The following UGT1A8 variants were observed in gnomAD, a reference collection of about 807,000 sequenced individuals.
UGT1A8 encodes the protein UDP glucuronosyltransferase family 1 member A8, also known as UDP-glucuronosyltransferase 1A8.
A neutral mutation model predicts 45.3 loss-of-function variants in UGT1A8; 39 were observed. The ratio of observed to expected loss-of-function variants is 0.86; its 90% CI spans 0.67 to 1.12. UGT1A8 has a LOEUF of 1.12. UGT1A8 is among the 50% of genes most tolerant of loss of function. The pLI is 0.00. For missense variants in UGT1A8, 719 were observed against 664.9 expected (o/e 1.08, Z -0.90); for synonymous variants, 275 against 249.2 (o/e 1.10, Z -0.97).
At chr2:233,627,528 T>C (rs1178080299) in intron 1 of UGT1A8, among the ~76,000 whole-genome samples, 1 of 152,002 alleles carries the variant, frequency 6.6e-6, no homozygotes, top group African/African-American at 2.4e-5. Flanking sequence ...ATTTTCAATA[T>C]GAGACAAAAA....
In UGT1A8 at chr2:233,769,978, G is replaced by A. The variant is rs35883224; in HGVS notation, c.1295+1539G>A. The stretch of plus-strand genomic sequence containing the variant: ...CTTCTGGCCACCTCAATGTCAGGAT[G>A]TCCTGCTCACATATCAATACCATTA... On this transcript the variant is annotated intron_variant, in intron 4 of 4. Transcript: ENST00000373450. The surrounding 1 kb of genome is among the most constrained non-coding windows in gnomAD (Gnocchi z 4.4). 117 of 202,284 alleles carry A rather than the reference G, an allele frequency of 5.8e-4. 1 individual carries two copies. Among genetic ancestry groups the A allele is most frequent in the African/African-American group, 2.5e-3 (109 of 43,540 alleles). The allele number at this position is 202,284 out of a possible 1,614,324, so 12.5% of individuals were successfully genotyped here.
At chr2:233,704,862 G>T (rs991681240) in intron 1 of UGT1A8, among the ~76,000 whole-genome samples, 2 of 152,056 alleles carry the variant, frequency 1.3e-5, no homozygotes, top group African/African-American at 4.8e-5. Context: ...GGCCGGGCAC[G>T]GTGGCTCACT....
intron 1 of UGT1A8, among the ~76,000 whole-genome samples, chr2:233,705,949 T>A (rs1472932510): frequency 6.6e-6 from 1 of 151,962 alleles, no homozygotes; most frequent in Non-Finnish European, 1.5e-5. Context: ...ATTAGCTGGG[T>A]GTGGAGGTGC....
At chr2:233,720,792 A>C (rs1575534792) in intron 1 of UGT1A8, among the ~76,000 whole-genome samples, 4 of 135,258 alleles carry the variant, frequency 3.0e-5, no homozygotes, top group Non-Finnish European at 4.7e-5. Flanking sequence ...TGCAACCTTC[A>C]CCTCCCGGGT....
At chr2:233,619,957 A>G (rs2072970639) in intron 1 of UGT1A8, among the ~76,000 whole-genome samples, 1 of 152,184 alleles carries the variant, frequency 6.6e-6, no homozygotes, top group African/African-American at 2.4e-5. Flanking sequence ...AAATCCTTGA[A>G]AAATACCAGA....
At chr2:233,650,782 A>T (rs1011003672) in intron 1 of UGT1A8, among the ~76,000 whole-genome samples, 1 of 152,196 alleles carries the variant, frequency 6.6e-6, no homozygotes, top group East Asian at 1.9e-4. Context: ...GATCCTATTC[A>T]GACATGTTTT....
chr2:233,659,049 A>C (rs1443846654), intron 1 of UGT1A8, among the ~76,000 whole-genome samples: 1 of 152,228 alleles, frequency 6.6e-6, no homozygotes, highest in Admixed American at 6.5e-5. Context: ...CAGCATCCTA[A>C]CAATTTTGAG....
At chr2:233,763,131 T>C (rs1039292285) in intron 1 of UGT1A8, among the ~76,000 whole-genome samples, 1 of 152,268 alleles carries the variant, frequency 6.6e-6, no homozygotes, top group African/African-American at 2.4e-5. Flanking sequence ...CTGGCATTTA[T>C]TGATATAACC....
intron 1 of UGT1A8, chr2:233,647,912 A>G: frequency 1.9e-6 from 3 of 1,587,596 alleles, no homozygotes; most frequent in Non-Finnish European, 2.6e-6. Flanking sequence ...CCTCCAGGGA[A>G]GGTAGATCAC....
chr2:233,760,659 G>T (rs757137518), intron 1 of UGT1A8: 3 of 1,614,230 alleles, frequency 1.9e-6, no homozygotes, highest in Non-Finnish European at 1.7e-6. Context: ...CTATGCTTTT[G>T]TCTGGCTGTT....
chr2:233,741,051 T>G (rs1437462730), intron 1 of UGT1A8, among the ~76,000 whole-genome samples: 1 of 151,772 alleles, frequency 6.6e-6, no homozygotes, highest in Non-Finnish European at 1.5e-5. Context: ...CTTGCCTAGG[T>G]AACAGCTACA....
chr2:233,705,692 A>G (rs2075866354), intron 1 of UGT1A8, among the ~76,000 whole-genome samples: 1 of 152,226 alleles, frequency 6.6e-6, no homozygotes, highest in African/African-American at 2.4e-5. Flanking sequence ...AACGACTGGT[A>G]TAAAAATTCA....
intron 1 of UGT1A8, among the ~76,000 whole-genome samples, chr2:233,763,945 G>A (rs1405755046): frequency 6.6e-6 from 1 of 152,190 alleles, no homozygotes; most frequent in Non-Finnish European, 1.5e-5. Context: ...GGAAAGCTTG[G>A]GAGCAGGGAA....
At position 233,769,509 on chromosome 2, in the gene UGT1A8, C is replaced by T; in HGVS notation, c.1295+1070C>T. 2 of 1,612,822 alleles carry T rather than the reference C, an allele frequency of 1.2e-6. No homozygotes were observed. Among genetic ancestry groups the T allele is most frequent in the Non-Finnish European group, 1.7e-6 (2 of 1,179,850 alleles). On this transcript the variant is annotated intron_variant, in intron 4 of 4. Coordinates refer to ENST00000373450, the MANE Select transcript of UGT1A8 (RefSeq NM_019076.5). This position sits in a 1 kb window ranked among gnomAD's most constrained non-coding sequence, Gnocchi z 4.4. Reference sequence around the variant, plus strand: ...TGTTTATGAGAGTGTCCATTGCTTTCTCCCATGGTTACCTCCTTTAGAAAG... The same window carrying T: ...TGTTTATGAGAGTGTCCATTGCTTTTTCCCATGGTTACCTCCTTTAGAAAG...
At chr2:233,680,093 CAA>C (rs1462365086) in intron 1 of UGT1A8, among the ~76,000 whole-genome samples, 38 of 152,092 alleles carry the variant, frequency 2.5e-4, no homozygotes, top group Non-Finnish European at 5.0e-4. Flanking sequence ...AAATGGCAGG[CAA>C]TCATAGCGGC....
In UGT1A8 at chr2:233,759,969, C is replaced by T. The variant is rs922270020; in HGVS notation, c.856-7065C>T. Among the ~76,000 whole-genome samples the T allele has an allele frequency of 3.3e-5, 5 of 152,292 alleles. No homozygotes were observed. The East Asian group carries it at 9.6e-4, about 29-fold the overall frequency. On this transcript the variant is annotated intron_variant, in intron 1 of 4. Transcript: ENST00000373450. ...GTTCACTACATAGTCGTCCTTCTTC[C>T]TCTCTGGTAACACTTGTTGGTCTGT...
chr2:233,674,065 C>G (rs1038981584), intron 1 of UGT1A8, among the ~76,000 whole-genome samples: 4 of 152,082 alleles, frequency 2.6e-5, no homozygotes. Flanking sequence ...AGATTAAACA[C>G]CTAATGTCTA....
At chr2:233,681,430 C>G (rs961076025) in intron 1 of UGT1A8, among the ~76,000 whole-genome samples, 2 of 149,472 alleles carry the variant, frequency 1.3e-5, no homozygotes, top group African/African-American at 5.0e-5. Flanking sequence ...GCTACTGAGG[C>G]TGAGGCAGGA....
At chr2:233,672,191 T>C (rs1434976538) in intron 1 of UGT1A8, 1 of 1,614,232 alleles carries the variant, frequency 6.2e-7, no homozygotes, top group Non-Finnish European at 8.5e-7. Flanking sequence ...CTGGAGGATC[T>C]GGACCGGGAG....
Sources: gnomAD v4.1 joint callset for allele counts (sites outside exome capture counted in the v4.1 genomes callset) on GRCh38, gnomAD v4.1.1 for gene constraint, Gnocchi (gnomAD v3.1) non-coding constraint, MANE v1.5 for transcripts, NCBI Gene and HGNC (gene_info 2026-07-23, HGNC 2026-07-21) for gene names.